CNTN5: variants seen among roughly 807,000 people sequenced by gnomAD.
CNTN5 encodes the protein contactin 5.
In CNTN5, 77 loss-of-function variants were observed where a neutral mutation model predicts 129.1. That is an observed-to-expected ratio of 0.60 (90% CI 0.50 to 0.72). The LOEUF (loss-of-function observed/expected upper bound fraction) is 0.72. Among genes scored for constraint, CNTN5 ranks in the 30% least tolerant of loss-of-function variants. The pLI is 0.00. For missense variants in CNTN5, 1,478 were observed against 1,328.8 expected (o/e 1.11, Z -1.75); for synonymous variants, 509 against 465.6 (o/e 1.09, Z -1.20).
intron 2 of CNTN5, among the ~76,000 whole-genome samples, chr11:99,531,623 C>G (rs559448714): frequency 6.6e-6 from 1 of 152,184 alleles, no homozygotes; most frequent in Non-Finnish European, 1.5e-5. Context: ...GCCCAGCGTC[C>G]CCGTGCTGTG....
At chr11:99,897,816 T>C (rs891096717) in intron 6 of CNTN5, among the ~76,000 whole-genome samples, 1 of 152,176 alleles carries the variant, frequency 6.6e-6, no homozygotes, top group Non-Finnish European at 1.5e-5. Flanking sequence ...TGAATCTAAA[T>C]GACCTACATA....
intron 2 of CNTN5, among the ~76,000 whole-genome samples, chr11:99,373,446 G>T (rs1259098093): frequency 1.3e-5 from 2 of 151,842 alleles, no homozygotes; most frequent in Non-Finnish European, 2.9e-5. Flanking sequence ...GGGCGTGGTG[G>T]CTCATGCCTG....
intron 3 of CNTN5, among the ~76,000 whole-genome samples, chr11:99,697,506 T>C (rs1001049786): frequency 7.3e-5 from 11 of 151,484 alleles, no homozygotes; most frequent in African/African-American, 2.7e-4. Flanking sequence ...CTACAGAAAA[T>C]GTGATTAGTG....
At chr11:99,464,000 ATAT>A (rs2135247143) in intron 2 of CNTN5, among the ~76,000 whole-genome samples, 1 of 152,346 alleles carries the variant, frequency 6.6e-6, no homozygotes, top group African/African-American at 2.4e-5. Context: ...CAAAATTATA[ATAT>A]TATGATGATC....
intron 6 of CNTN5, among the ~76,000 whole-genome samples, chr11:99,875,180 A>G (rs553791824): frequency 1.9e-4 from 29 of 152,304 alleles, no homozygotes; most frequent in Admixed American, 1.1e-3. Flanking sequence ...TTGTTCTAAC[A>G]GTTACCAGGA....
At chr11:99,958,725 C>G (rs1044511383) in intron 8 of CNTN5, among the ~76,000 whole-genome samples, 1 of 152,184 alleles carries the variant, frequency 6.6e-6, no homozygotes, top group African/African-American at 2.4e-5. Context: ...TAAGCTATTT[C>G]TCCAAAACTT....
intron 8 of CNTN5, among the ~76,000 whole-genome samples, chr11:99,972,081 C>A: frequency 1.5e-5 from 1 of 67,246 alleles, no homozygotes; most frequent in Non-Finnish European, 2.6e-5. Flanking sequence ...AAACTTATCT[C>A]TATTAAAAAA....
intron 9 of CNTN5, among the ~76,000 whole-genome samples, chr11:100,032,312 A>G (rs1198882011): frequency 1.3e-5 from 2 of 152,106 alleles, no homozygotes; most frequent in African/African-American, 2.4e-5. Context: ...GTTCTATTAC[A>G]TTAAAGAATT....
chr11:99,868,218 T>TAAA (rs10645597), intron 6 of CNTN5, among the ~76,000 whole-genome samples: 101 of 119,122 alleles, frequency 8.5e-4, no homozygotes, highest in African/African-American at 2.7e-3. Flanking sequence ...CTCCATCTCA[T>TAAA]AAAAAAAAAA....
At chr11:99,537,291 A>C (rs1014975581) in intron 2 of CNTN5, among the ~76,000 whole-genome samples, 1 of 152,188 alleles carries the variant, frequency 6.6e-6, no homozygotes, top group Admixed American at 6.5e-5. Context: ...TACAGAATAC[A>C]TATCCTCATT....
intron 13 of CNTN5, among the ~76,000 whole-genome samples, chr11:100,190,860 C>T (rs972070813): frequency 2.6e-5 from 4 of 151,930 alleles, no homozygotes; most frequent in Non-Finnish European, 5.9e-5. Context: ...GTCACCCCTT[C>T]TGCAAGTTTT....
At chr11:99,703,020 T>C (rs1954589497) in intron 3 of CNTN5, among the ~76,000 whole-genome samples, 1 of 150,844 alleles carries the variant, frequency 6.6e-6, no homozygotes, top group African/African-American at 2.4e-5. Context: ...TGAAGATGTA[T>C]AGGATGTTTT....
intron 1 of CNTN5, among the ~76,000 whole-genome samples, chr11:99,055,133 C>T (rs545711439): frequency 1.3e-5 from 2 of 151,928 alleles, no homozygotes; most frequent in East Asian, 1.9e-4. Context: ...TGTGAAGACA[C>T]TTTGAGGGCT....
intron 3 of CNTN5, among the ~76,000 whole-genome samples, chr11:99,649,983 C>T (rs1952094915): frequency 1.3e-5 from 2 of 151,764 alleles, no homozygotes; most frequent in South Asian, 2.1e-4. Context: ...AGGATCCTCT[C>T]TCACATCAAT....
chr11:100,052,531 T>G (rs187577050), intron 9 of CNTN5, among the ~76,000 whole-genome samples: 11 of 151,904 alleles, frequency 7.2e-5, no homozygotes, highest in Admixed American at 7.2e-4. Flanking sequence ...ACACTGAGAA[T>G]TTGCATAACA....
chr11:100,128,628 G>T (rs1487684996), intron 13 of CNTN5, among the ~76,000 whole-genome samples: 1 of 152,100 alleles, frequency 6.6e-6, no homozygotes, highest in Admixed American at 6.6e-5. Flanking sequence ...AGCTATAGTA[G>T]AAAGGCACAG....
chr11:99,214,919 A>C (rs1860043023), intron 1 of CNTN5, among the ~76,000 whole-genome samples: 1 of 152,122 alleles, frequency 6.6e-6, no homozygotes, highest in Non-Finnish European at 1.5e-5. Context: ...GTGATACTCA[A>C]GTAGTTATTC....
chr11:99,439,510 C>A (rs999521778), intron 2 of CNTN5, among the ~76,000 whole-genome samples: 6 of 151,802 alleles, frequency 4.0e-5, no homozygotes, highest in Non-Finnish European at 7.4e-5. Flanking sequence ...GAGTTCAACA[C>A]CAGCCTGGCC....
chr11:99,736,555 A>G (rs543471754), intron 3 of CNTN5, among the ~76,000 whole-genome samples: 16 of 152,322 alleles, frequency 1.1e-4, no homozygotes, highest in African/African-American at 3.8e-4. Context: ...TGTTTAATCT[A>G]TCTCTGTAAC....
Sources: allele counts gnomAD v4.1 joint callset (sites outside exome capture counted in the v4.1 genomes callset), GRCh38; gene constraint gnomAD v4.1.1; transcripts MANE v1.5; gene names NCBI Gene and HGNC (gene_info 2026-07-23, HGNC 2026-07-21).